The following IPO11 variants were observed in gnomAD, a reference collection of about 807,000 sequenced individuals.
IPO11 encodes importin-11.
In IPO11, 66 loss-of-function variants were observed where a neutral mutation model predicts 143.2. The observed-to-expected ratio is 0.46, with a 90% CI of 0.38 to 0.57. IPO11 has a LOEUF of 0.57. IPO11 is among the 20% of genes least tolerant of loss of function. IPO11 has a pLI of 0.00. For synonymous variants in IPO11, 385 were observed against 377.8 expected, an observed-to-expected ratio of 1.02 and a Z score of -0.22; for missense variants, 1,026 against 1,141.0, an observed-to-expected ratio of 0.90 and a Z score of 1.45.
intron 19 of IPO11, among the ~76,000 whole-genome samples, chr5:62,506,663 T>C (rs938270731): frequency 6.6e-6 from 1 of 152,164 alleles, no homozygotes; most frequent in Non-Finnish European, 1.5e-5. Context: ...TAGCCACAAG[T>C]GTCCATCAGC....
chr5:62,426,088 C>T (rs1049381337), intron 1 of IPO11, among the ~76,000 whole-genome samples: 1 of 152,060 alleles, frequency 6.6e-6, no homozygotes, highest in Non-Finnish European at 1.5e-5. Flanking sequence ...GATAATATGA[C>T]AAAATTGTTG....
chr5:62,481,370 C>G (rs910285534), intron 9 of IPO11, among the ~76,000 whole-genome samples: 8 of 152,100 alleles, frequency 5.3e-5, no homozygotes, highest in Middle Eastern at 3.2e-3. Flanking sequence ...AGTTTTTGCC[C>G]ATTCAGTATG....
At chr5:62,564,461 C>T (rs533760738) in intron 27 of IPO11, among the ~76,000 whole-genome samples, 34 of 152,142 alleles carry the variant, frequency 2.2e-4, no homozygotes, top group Non-Finnish European at 3.8e-4. Context: ...TACAGCATAC[C>T]ATTTCCTTTT....
In IPO11 at chr5:62,591,552, C is replaced by G. The variant is rs1299816893; in HGVS notation, c.2583-25C>G. The G allele has an allele frequency of 3.7e-6, 5 of 1,344,294 alleles. No homozygotes were observed. In the African/African-American group the frequency reaches 7.4e-5, roughly 20 times the overall value. The allele number at this position is 1,344,294 out of a possible 1,614,324, so 83.3% of individuals were successfully genotyped here. On this transcript the variant is annotated intron_variant, in intron 27 of 29. Transcript: ENST00000325324. ...GAATTAATCTAGTATTCCAGTTAACCTGTTTTGCTTTTCTTTTATTCTAGT... is the reference window on the plus strand; with the variant it reads ...GAATTAATCTAGTATTCCAGTTAACGTGTTTTGCTTTTCTTTTATTCTAGT...
At position 62,435,154 on chromosome 5, in the gene IPO11, A is replaced by ATATATATATG. The variant is rs1561308984; in HGVS notation, c.-6-2113_-6-2112insATGTATATAT. ...TATATATGTATATATGTATATATGT[A>ATATATATATG]TATATATGTATATATATGTATATAT... On this transcript the variant is annotated intron_variant, in intron 1 of 29. Coordinates refer to ENST00000325324, the MANE Select transcript of IPO11 (RefSeq NM_016338.5). Among the ~76,000 whole-genome samples, 30 of 62,704 alleles carry ATATATATATG rather than the reference A, an allele frequency of 4.8e-4. 2 individuals are homozygous for ATATATATATG. Among genetic ancestry groups the ATATATATATG allele is most frequent in the African/African-American group, 2.0e-3 (30 of 15,186 alleles). The allele number at this position is 62,704 out of a possible 152,430, so 41.1% of individuals were successfully genotyped here.
chr5:62,551,238 A>G lies in IPO11; in HGVS notation c.2362A>G (p.Met788Val), dbSNP rs1743380010. 3 of 1,600,208 alleles carry G rather than the reference A, an allele frequency of 1.9e-6. No individual in the cohort carries two copies. The highest frequency in any genetic ancestry group is 2.6e-6 in the Non-Finnish European group (3 of 1,168,748). The change falls in exon 26 of 30, where the codon ATG (methionine) becomes GTG (valine). Residue 788 changes from methionine (M) to valine (V), a missense_variant. Transcript: ENST00000325324. ...AATTGTACAGAGGTATCCTGTAGTG[A>G]TGTCCACGTATCTTGGAGTTATGGG... ...IIEGERYPVV[M>V]STYLGVMGRV... is the part of the protein sequence containing the mutation.
chr5:62,609,560 G>C (rs552518785), intron 29 of IPO11, among the ~76,000 whole-genome samples: 5 of 152,238 alleles, frequency 3.3e-5, no homozygotes, highest in African/African-American at 4.8e-5. Flanking sequence ...ATGAATGAGA[G>C]ACACAGTCCC....
chr5:62,521,594 A>G (rs1024618807), intron 20 of IPO11, among the ~76,000 whole-genome samples: 1 of 152,100 alleles, frequency 6.6e-6, no homozygotes, highest in Admixed American at 6.5e-5. Flanking sequence ...CTGGAAACTC[A>G]TGTTCTTGAA....
chr5:62,479,746 G>C (rs938180323), intron 9 of IPO11, among the ~76,000 whole-genome samples: 12 of 152,138 alleles, frequency 7.9e-5, no homozygotes, highest in African/African-American at 2.9e-4. Flanking sequence ...CTTTTGAGAA[G>C]CGTCTGTTCA....
At chr5:62,416,643 A>T (rs1234632494) in intron 1 of IPO11, among the ~76,000 whole-genome samples, 1 of 152,126 alleles carries the variant, frequency 6.6e-6, no homozygotes, top group African/African-American at 2.4e-5. Context: ...TTCAATCCAT[A>T]ACATTCAGTT....
rs962374191 is a variant in IPO11 at position 62,464,020 on chromosome 5, C to T, written c.517-3111C>T. Among the ~76,000 whole-genome samples the T allele has an allele frequency of 2.4e-4, 36 of 151,548 alleles. 1 individual carries two copies. The highest frequency in any genetic ancestry group is 6.8e-4 in the African/African-American group (28 of 41,310). ...TGTATTTGTAATAGAGACGGCGTTT[C>T]GCTGTGTTGGCCAGGCTGGTCTCGA... On this transcript the variant is annotated intron_variant, in intron 5 of 29. Coordinates refer to ENST00000325324, the MANE Select transcript of IPO11 (RefSeq NM_016338.5).
intron 27 of IPO11, among the ~76,000 whole-genome samples, chr5:62,575,179 A>G (rs1304692277): frequency 3.9e-5 from 6 of 152,216 alleles, no homozygotes; most frequent in African/African-American, 1.4e-4. Flanking sequence ...AGCTACTGTC[A>G]TGATATTTTC....
chr5:62,526,767 C>A (rs1213296200), intron 21 of IPO11: 1 of 152,526 alleles, frequency 6.6e-6, no homozygotes, highest in African/African-American at 2.4e-5. Context: ...ATTGACTGCC[C>A]ACGGTGTGTA....
intron 28 of IPO11, among the ~76,000 whole-genome samples, chr5:62,595,467 G>T (rs1745181394): frequency 6.6e-6 from 1 of 152,058 alleles, no homozygotes; most frequent in Non-Finnish European, 1.5e-5. Flanking sequence ...ACCTTGATTT[G>T]TCCTCATAAC....
chr5:62,586,238 T>C (rs1280711555), intron 27 of IPO11, among the ~76,000 whole-genome samples: 1 of 152,210 alleles, frequency 6.6e-6, no homozygotes, highest in African/African-American at 2.4e-5. Flanking sequence ...CACATATGTA[T>C]TTTTAAATGT....
chr5:62,551,031 A>AT (rs1457117009), intron 25 of IPO11, among the ~76,000 whole-genome samples, 192 bp from the exon 26 acceptor site: 1 of 150,372 alleles, frequency 6.7e-6, no homozygotes. Context: ...ATATATATAT[A>AT]TATATATGGT....
chr5:62,445,324 A>G (rs1744680661), intron 3 of IPO11, among the ~76,000 whole-genome samples: 1 of 152,092 alleles, frequency 6.6e-6, no homozygotes. Context: ...ATACTGTCCA[A>G]TTTCTGCTTG....
chr5:62,454,240 CA>C (rs1421207538), intron 5 of IPO11, among the ~76,000 whole-genome samples: 2 of 152,158 alleles, frequency 1.3e-5, no homozygotes, highest in African/African-American at 4.8e-5. Context: ...AAATCCTTTT[CA>C]CTTTTGCTTG....
At chr5:62,432,143 A>G (rs536684832) in intron 1 of IPO11, among the ~76,000 whole-genome samples, 22 of 152,146 alleles carry the variant, frequency 1.4e-4, no homozygotes, top group Non-Finnish European at 2.5e-4. Context: ...TCCTTTTACC[A>G]CACCGTACTT....
Sources: allele counts gnomAD v4.1 joint callset (sites outside exome capture counted in the v4.1 genomes callset), GRCh38; gene constraint gnomAD v4.1.1; transcripts MANE v1.5; gene names NCBI Gene and HGNC (gene_info 2026-07-23, HGNC 2026-07-21).